Variants in GPATCH8 observed in about 807,000 individuals in gnomAD.
GPATCH8 encodes the protein G-patch domain containing 8, also known as G patch domain-containing protein 8.
Under a neutral mutation model 118.3 loss-of-function variants are expected in GPATCH8, and 18 were observed. The observed-to-expected ratio is 0.15, with a 90% CI of 0.11 to 0.23. The LOEUF is 0.23. Ranked by LOEUF, GPATCH8 falls within the 10% of genes least tolerant of loss-of-function variation. GPATCH8 has a pLI of 1.00. For missense variants in GPATCH8, 1,631 were observed against 1,873.8 expected (o/e 0.87, Z 2.39); for synonymous variants, 659 against 684.7 (o/e 0.96, Z 0.59).
intron 3 of GPATCH8, among the ~76,000 whole-genome samples, chr17:44,442,781 AG>A: frequency 6.6e-6 from 1 of 152,310 alleles, no homozygotes; most frequent in East Asian, 1.9e-4. Flanking sequence ...CACTTTCAAA[AG>A]ACAATTAAAA....
intron 1 of GPATCH8, chr17:44,486,044 AT>A (rs1460474580): frequency 2.0e-5 from 3 of 152,140 alleles, no homozygotes; most frequent in Admixed American, 6.6e-5. Context: ...ACAGGCATGT[AT>A]TAGCACACCT....
At chr17:44,417,510 C>T (rs759204816) in intron 6 of GPATCH8, among the ~76,000 whole-genome samples, 7 of 152,130 alleles carry the variant, frequency 4.6e-5, no homozygotes, top group African/African-American at 1.2e-4. Context: ...TGAGCCACCA[C>T]GCTTGGCCTA....
chr17:44,484,839 C>T (rs1968648124), intron 1 of GPATCH8, among the ~76,000 whole-genome samples: 3 of 152,056 alleles, frequency 2.0e-5, no homozygotes, highest in Non-Finnish European at 4.4e-5. Context: ...TAGTGGGACC[C>T]TCTGTCTAAC....
Position 44,397,031 on chromosome 17 carries a change from C to A in GPATCH8, c.*537G>T. The stretch of plus-strand genomic sequence containing the variant: ...ATCAGGTTCCAGGTGAGACGCTTTC[C>A]ACCTCACCTGGGATAACGTAACGTC... On this transcript the variant is annotated 3_prime_UTR_variant, in exon 8 of 8. Coordinates refer to ENST00000591680, the MANE Select transcript of GPATCH8 (RefSeq NM_001002909.4). 2.2e-6 allele frequency: 1 copy of A among 454,018 alleles called. No homozygotes were observed. Among genetic ancestry groups the A allele is most frequent in the Non-Finnish European group, 4.4e-6 (1 of 226,790 alleles). 28.1% of individuals were successfully genotyped at this position (454,018 alleles called of 1,614,324 possible). A position where few individuals can be genotyped will look rare whatever the true frequency, so the allele number is the denominator to read the frequency against.
At position 44,396,418 on chromosome 17, in the gene GPATCH8, C is replaced by T. The variant is rs1380095956; in HGVS notation, c.*1150G>A. The T allele has an allele frequency of 2.2e-6, 1 of 454,288 alleles. No homozygotes were observed. The highest frequency in any genetic ancestry group is 4.4e-6 in the Non-Finnish European group (1 of 226,794). The allele number at this position is 454,288 out of a possible 1,614,324, so 28.1% of individuals were successfully genotyped here. ...CTGCTGCCCATTAGCTCAAAAATCC[C>T]AATACTGGGGGCACTACATACTGCA... is the stretch of plus-strand genomic sequence containing the variant. On this transcript the variant is annotated 3_prime_UTR_variant, in exon 8 of 8. Coordinates refer to ENST00000591680, the MANE Select transcript of GPATCH8 (RefSeq NM_001002909.4).
In GPATCH8 at chr17:44,455,714, T is replaced by C. The variant is rs975345327; in HGVS notation, c.193+8758A>G. On this transcript the variant is annotated intron_variant, in intron 3 of 7. Coordinates refer to ENST00000591680, the MANE Select transcript of GPATCH8 (RefSeq NM_001002909.4). Reference sequence around the variant, plus strand: ...TCTGTAAAGACTTCAGAAAAATGTATCTATGTCACTATAATATTAATGAAA... The same window carrying C: ...TCTGTAAAGACTTCAGAAAAATGTACCTATGTCACTATAATATTAATGAAA... Among the ~76,000 whole-genome samples, 22 of 152,074 alleles carry C rather than the reference T, an allele frequency of 1.4e-4. 1 individual carries two copies. Among genetic ancestry groups the C allele is most frequent in the South Asian group, 2.1e-4 (1 of 4,822 alleles).
intron 6 of GPATCH8, among the ~76,000 whole-genome samples, chr17:44,423,265 G>C (rs942880293): frequency 6.6e-6 from 1 of 152,092 alleles, no homozygotes; most frequent in Non-Finnish European, 1.5e-5. Flanking sequence ...AATGTCCAAA[G>C]GTATGTAGTA....
intron 4 of GPATCH8, 130 bp from the exon 5 acceptor site, chr17:44,435,281 T>A (rs1048451078): frequency 1.5e-6 from 1 of 667,386 alleles, no homozygotes; most frequent in Non-Finnish European, 2.7e-6. Flanking sequence ...TAGCTACTGC[T>A]TGCTTTATTG....
intron 3 of GPATCH8, among the ~76,000 whole-genome samples, chr17:44,455,779 C>G (rs1265952534): frequency 6.6e-6 from 1 of 152,158 alleles, no homozygotes. Context: ...CAGAGTTTCG[C>G]TCTTGTCACC....
intron 2 of GPATCH8, among the ~76,000 whole-genome samples, chr17:44,470,812 A>C (rs1967222461): frequency 6.6e-6 from 1 of 152,144 alleles, no homozygotes; most frequent in African/African-American, 2.4e-5. Flanking sequence ...CCAATTCCTC[A>C]TCTTCTAACT....
chr17:44,441,115 T>A (rs899281159), intron 3 of GPATCH8, among the ~76,000 whole-genome samples: 2 of 152,188 alleles, frequency 1.3e-5, no homozygotes, highest in East Asian at 3.9e-4. Flanking sequence ...CCCAAAGTGC[T>A]GGGATTACAG....
At chr17:44,448,786 A>AT (rs1338124281) in intron 3 of GPATCH8, among the ~76,000 whole-genome samples, 2 of 152,106 alleles carry the variant, frequency 1.3e-5, no homozygotes, top group African/African-American at 4.8e-5. Flanking sequence ...TAAAAAAAAA[A>AT]AAATAAACAG....
intron 1 of GPATCH8, among the ~76,000 whole-genome samples, chr17:44,498,606 T>C (rs1362190641): frequency 6.6e-6 from 1 of 152,220 alleles, no homozygotes; most frequent in Non-Finnish European, 1.5e-5. Flanking sequence ...TCATGTCAAT[T>C]CAGCATCAGT....
At chr17:44,426,846 ACACTCTCTCTCTCTCT>A (rs760782261) in intron 5 of GPATCH8, among the ~76,000 whole-genome samples, 3 of 145,752 alleles carry the variant, frequency 2.1e-5, no homozygotes, top group Non-Finnish European at 3.0e-5. Context: ...ACACACACAC[ACACTCTCTCTCTCTCT>A]CTCTCTCTCT....
At chr17:44,446,324 T>C (rs918759158) in intron 3 of GPATCH8, among the ~76,000 whole-genome samples, 9 of 152,034 alleles carry the variant, frequency 5.9e-5, no homozygotes, top group African/African-American at 2.2e-4. Context: ...CCCAGCACTT[T>C]GGGAGGCCGA....
chr17:44,420,788 T>C (rs757421581), intron 6 of GPATCH8, among the ~76,000 whole-genome samples: 4 of 152,246 alleles, frequency 2.6e-5, no homozygotes, highest in Non-Finnish European at 5.9e-5. Context: ...ATTGTAAATC[T>C]GTTTTGCTTT....
chr17:44,397,610 G>A lies in GPATCH8; in HGVS notation c.4467C>T (p.Phe1489=). The A allele has an allele frequency of 6.2e-7, 1 of 1,613,968 alleles. No homozygotes were observed. The highest frequency in any genetic ancestry group is 8.5e-7 in the Non-Finnish European group (1 of 1,179,930). ...GGGGATGTTGCAGGTCCTGACCTGA[G>A]AAGATGGGGTGAAGTAGTGGGTGAA... is the stretch of plus-strand genomic sequence containing the variant. The part of the protein sequence containing the change: ...LHLHPLLHPI[F]SGQDLQHPPS... Residue 1489 remains phenylalanine, a synonymous_variant, in exon 8 of 8, where the codon TTC becomes TTT. Transcript: ENST00000591680.
Position 44,446,625 on chromosome 17 carries a change from G to A in GPATCH8, c.194-10080C>T, listed in dbSNP as rs115976561. 4.8e-3 allele frequency among the ~76,000 whole-genome samples: 731 copies of A among 152,266 alleles called. 5 individuals are homozygous for A. Among genetic ancestry groups the A allele is most frequent in the African/African-American group, 0.017 (708 of 41,548 alleles). ...ACTTCACAATTCTAAAGTTTGAAGA[G>A]TGGAAAATATTTGAGTAGAAAATAT... is the stretch of plus-strand genomic sequence containing the variant. On this transcript the variant is annotated intron_variant, in intron 3 of 7. Coordinates refer to ENST00000591680, the MANE Select transcript of GPATCH8 (RefSeq NM_001002909.4).
chr17:44,428,499 A>G (rs574099031), intron 5 of GPATCH8, among the ~76,000 whole-genome samples: 7 of 150,714 alleles, frequency 4.6e-5, no homozygotes, highest in African/African-American at 1.7e-4. Context: ...TCTCAATTAA[A>G]AAAAAAAAAA....
Sources: allele counts gnomAD v4.1 joint callset (sites outside exome capture counted in the v4.1 genomes callset), GRCh38; gene constraint gnomAD v4.1.1; transcripts MANE v1.5; gene names NCBI Gene and HGNC (gene_info 2026-07-23, HGNC 2026-07-21).